The following TSHZ3 variants were observed in gnomAD, a reference collection of about 807,000 sequenced individuals.
TSHZ3 encodes teashirt zinc finger homeobox 3.
TSHZ3 carries 10 observed loss-of-function variants against 64.5 expected under a neutral mutation model. That is an observed-to-expected ratio of 0.16 (90% CI 0.10 to 0.26). The LOEUF (loss-of-function observed/expected upper bound fraction) is 0.26. Among genes scored for constraint, TSHZ3 ranks in the 10% least tolerant of loss-of-function variants. TSHZ3 has a pLI of 1.00. For missense variants in TSHZ3, 1,242 were observed against 1,421.7 expected, an observed-to-expected ratio of 0.87 and a Z score of 2.03; for synonymous variants, 608 against 593.1, an observed-to-expected ratio of 1.03 and a Z score of -0.36.
rs61742321 is a variant in TSHZ3, at chr19:31,279,307, G to A, written c.486C>T (p.Ser162=). 34,087 of 1,613,398 alleles carry A rather than the reference G, an allele frequency of 0.021. 413 individuals carry two copies. Among genetic ancestry groups the A allele is most frequent in the Non-Finnish European group, 0.024 (28,562 of 1,179,674 alleles). The change falls in exon 2 of 2, where the codon AGC becomes AGT. Residue 162 remains serine, a synonymous_variant. Coordinates refer to ENST00000240587, the MANE Select transcript of TSHZ3 (RefSeq NM_020856.4). This position sits in a 1 kb window ranked among gnomAD's most constrained non-coding sequence, Gnocchi z 6.4. ...CGCTCTGGTGCCAGTCGAAGCTCCC[G>A]CTGCCACAGCTGCTGCTGCTGCTAC... The part of the protein sequence containing the change: ...SSSSSSSSCG[S]GSFDWHQSAM...
chr19:31,262,029 C>A (rs546529563), intron 1 of TSHZ3, among the ~76,000 whole-genome samples: 4 of 152,308 alleles, frequency 2.6e-5, no homozygotes, highest in Non-Finnish European at 5.9e-5. Context: ...TAGCCTTAAA[C>A]ACTTCTCTAG....
intron 1 of TSHZ3, among the ~76,000 whole-genome samples, chr19:31,285,240 G>A (rs574270015): frequency 6.6e-6 from 1 of 152,280 alleles, no homozygotes; most frequent in South Asian, 2.1e-4. Flanking sequence ...CAGCATTTGG[G>A]AGGCCGAGGT....
At chr19:31,262,584 AT>A (rs1181344588) in intron 1 of TSHZ3, among the ~76,000 whole-genome samples, 28 of 152,310 alleles carry the variant, frequency 1.8e-4, no homozygotes, top group African/African-American at 6.7e-4. Context: ...TGTAAAAAAA[AT>A]ATATACCGTG....
At position 31,248,692 on chromosome 19, in the gene TSHZ3, G is replaced by A. The variant is rs374420739; in HGVS notation, n.64-5817C>T. On this transcript the variant is annotated intron_variant and non_coding_transcript_variant, in intron 1 of 6. Coordinates refer to the TSHZ3 transcript ENST00000651361. ...TGTGGTCCCAGCTACTTGGGAGGCT[G>A]AGGAGGGAGGATCTCTTGAGCCTGA... is the stretch of plus-strand genomic sequence containing the variant. Among the ~76,000 whole-genome samples, 11 of 151,384 alleles carry A rather than the reference G, an allele frequency of 7.3e-5. No individual in the cohort carries two copies. The East Asian group carries it at 2.1e-3, about 29-fold the overall frequency.
In TSHZ3 at chr19:31,170,572, T is replaced by G. The variant is rs533778192; in HGVS notation, n.810-14155A>C. Among the ~76,000 whole-genome samples the G allele has an allele frequency of 1.1e-4, 16 of 152,348 alleles. No homozygotes were observed. The East Asian group carries it at 2.9e-3, about 28-fold the overall frequency. On this transcript the variant is annotated intron_variant and non_coding_transcript_variant, in intron 5 of 6. Transcript: ENST00000651361. ...ACATGCTCTTGGGTCCTGTGGTCCATCTGTTCTCATTAGCTGTAATTCTTT... is the reference window on the plus strand; with the variant it reads ...ACATGCTCTTGGGTCCTGTGGTCCAGCTGTTCTCATTAGCTGTAATTCTTT...
intron 4 of TSHZ3, among the ~76,000 whole-genome samples, chr19:31,226,544 T>C (rs915060890): frequency 1.3e-5 from 2 of 152,188 alleles, no homozygotes; most frequent in Non-Finnish European, 2.9e-5. Context: ...TTTTTGTTTG[T>C]AGATTACCCA....
At chr19:31,164,403 AC>A (rs1974414962) in intron 5 of TSHZ3, among the ~76,000 whole-genome samples, 1 of 152,090 alleles carries the variant, frequency 6.6e-6, no homozygotes, top group Non-Finnish European at 1.5e-5. Flanking sequence ...AGAAAGAAAC[AC>A]TAATATTTCT....
At chr19:31,232,110 T>C (rs953328997) in intron 3 of TSHZ3, among the ~76,000 whole-genome samples, 27 of 152,090 alleles carry the variant, frequency 1.8e-4, no homozygotes, top group African/African-American at 6.5e-4. Context: ...CTCCTGCCCC[T>C]GAGCTAGAGC....
intron 1 of TSHZ3, among the ~76,000 whole-genome samples, chr19:31,258,922 T>C (rs1975949442): frequency 6.6e-6 from 1 of 152,218 alleles, no homozygotes; most frequent in South Asian, 2.1e-4. Context: ...GTGAGTCCTC[T>C]GTGAGTCCCG....
At chr19:31,240,531 A>C (rs1363381718) in intron 3 of TSHZ3, among the ~76,000 whole-genome samples, 1 of 152,172 alleles carries the variant, frequency 6.6e-6, no homozygotes, top group Non-Finnish European at 1.5e-5. Flanking sequence ...GGAAAACTCC[A>C]CTTTACACCT....
chr19:31,291,371 T>C (rs1008077326), intron 1 of TSHZ3, among the ~76,000 whole-genome samples: 1 of 152,204 alleles, frequency 6.6e-6, no homozygotes, highest in African/African-American at 2.4e-5. Flanking sequence ...TACCACCGTC[T>C]AGCAGCTCCT....
At chr19:31,162,317 T>A (rs1974383395) in intron 5 of TSHZ3, among the ~76,000 whole-genome samples, 1 of 152,190 alleles carries the variant, frequency 6.6e-6, no homozygotes, top group Non-Finnish European at 1.5e-5. Context: ...ATTCAATACT[T>A]TTTCAGAAAG....
intron 1 of TSHZ3, among the ~76,000 whole-genome samples, chr19:31,284,383 G>A (rs913776142): frequency 2.6e-5 from 4 of 151,922 alleles, no homozygotes; most frequent in African/African-American, 9.7e-5. Flanking sequence ...AGCAGAAGCT[G>A]CTGAGATTAA....
At chr19:31,171,550 T>C (rs561889958) in intron 5 of TSHZ3, among the ~76,000 whole-genome samples, 2 of 151,286 alleles carry the variant, frequency 1.3e-5, no homozygotes, top group Non-Finnish European at 2.9e-5. Flanking sequence ...ACTCAGCTCA[T>C]ACAAAGATAA....
chr19:31,266,756 T>G (rs1165674164), intron 1 of TSHZ3, among the ~76,000 whole-genome samples: 1 of 152,212 alleles, frequency 6.6e-6, no homozygotes, highest in East Asian at 1.9e-4. Flanking sequence ...AATGGTGATA[T>G]TTTGCTTTGG....
intron 5 of TSHZ3, among the ~76,000 whole-genome samples, chr19:31,179,702 G>A (rs910860428): frequency 1.3e-5 from 2 of 151,006 alleles, no homozygotes; most frequent in African/African-American, 4.9e-5. Context: ...TGGTGGTGGT[G>A]ATGGTGGTGG....
intron 1 of TSHZ3, among the ~76,000 whole-genome samples, chr19:31,261,056 G>A (rs560802488): frequency 6.6e-6 from 1 of 152,294 alleles, no homozygotes; most frequent in East Asian, 1.9e-4. Flanking sequence ...CTGCACTCTT[G>A]GCTCAAGAGT....
chr19:31,326,573 A>C (rs1401588993), intron 1 of TSHZ3, among the ~76,000 whole-genome samples: 2 of 152,260 alleles, frequency 1.3e-5, no homozygotes, highest in East Asian at 3.8e-4. Context: ...GAGCCTGCAC[A>C]GTGAGGGTGG....
intron 1 of TSHZ3, among the ~76,000 whole-genome samples, chr19:31,334,298 C>T (rs1197799380): frequency 1.3e-5 from 2 of 152,200 alleles, no homozygotes. Context: ...CATTTTACTA[C>T]AACCTCAGAG....
Sources: gnomAD v4.1 joint callset for allele counts (sites outside exome capture counted in the v4.1 genomes callset) on GRCh38, gnomAD v4.1.1 for gene constraint, Gnocchi (gnomAD v3.1) non-coding constraint, MANE v1.5 for transcripts, NCBI Gene and HGNC (gene_info 2026-07-23, HGNC 2026-07-21) for gene names.